PCDHA10: variants seen among roughly 807,000 people sequenced by gnomAD.
PCDHA10 encodes protocadherin alpha 10.
In PCDHA10, 45 loss-of-function variants were observed where a neutral mutation model predicts 61.2. The observed-to-expected ratio is 0.74, with a 90% CI of 0.58 to 0.94. PCDHA10 has a LOEUF of 0.94. Among genes scored for constraint, PCDHA10 ranks in the 40% least tolerant of loss-of-function variants. PCDHA10 has a pLI of 0.00. For synonymous variants in PCDHA10, 602 were observed against 548.8 expected, an observed-to-expected ratio of 1.10 and a Z score of -1.35; for missense variants, 1,278 against 1,236.2, an observed-to-expected ratio of 1.03 and a Z score of -0.51.
chr5:140,980,428 G>A (rs868912779), intron 2 of PCDHA10, among the ~76,000 whole-genome samples: 5 of 152,028 alleles, frequency 3.3e-5, no homozygotes, highest in Admixed American at 2.6e-4. Flanking sequence ...TCAAGAGATC[G>A]AGACCATCCT....
At chr5:140,948,018 T>A (rs1308826509) in intron 1 of PCDHA10, among the ~76,000 whole-genome samples, 1 of 151,290 alleles carries the variant, frequency 6.6e-6, no homozygotes, top group Non-Finnish European at 1.5e-5. Context: ...GAAGTACCCT[T>A]TCTGGTTTGC....
chr5:140,863,401 CCCACGCTGGTGT>C, intron 1 of PCDHA10: 2 of 854,408 alleles, frequency 2.3e-6, no homozygotes, highest in East Asian at 4.2e-5. Flanking sequence ...GCCGGGCAAG[CCCACGCTGGTGT>C]ACCGCAGCGT....
intron 1 of PCDHA10, among the ~76,000 whole-genome samples, chr5:140,940,750 G>A (rs1274521070): frequency 2.6e-5 from 4 of 152,136 alleles, no homozygotes; most frequent in Non-Finnish European, 5.9e-5. Context: ...TTTTATGTGT[G>A]CCAACTTTTA....
intron 1 of PCDHA10, chr5:140,968,932 A>C: frequency 6.2e-7 from 1 of 1,614,164 alleles, no homozygotes; most frequent in Non-Finnish European, 8.5e-7. Context: ...TTCTTTTGAC[A>C]ATCATCATTT....
At chr5:140,885,738 C>T (rs1160742683) in intron 1 of PCDHA10, among the ~76,000 whole-genome samples, 5 of 151,978 alleles carry the variant, frequency 3.3e-5, no homozygotes, top group African/African-American at 1.2e-4. Flanking sequence ...TGATATTTCA[C>T]TGTTACTTTA....
At chr5:140,929,721 ATTTACT>A (rs1474734727) in intron 1 of PCDHA10, 3 of 222,378 alleles carry the variant, frequency 1.3e-5, no homozygotes, top group African/African-American at 4.6e-5. Flanking sequence ...AAGGTGAAAC[ATTTACT>A]TAAACTATTG....
intron 1 of PCDHA10, chr5:140,882,442 G>A (rs1554174153): frequency 6.2e-7 from 1 of 1,613,948 alleles, no homozygotes; most frequent in African/African-American, 1.3e-5. Context: ...AGCTGGCGGA[G>A]CTGGTGCCGC....
chr5:140,870,399 T>C, intron 1 of PCDHA10: 1 of 1,614,196 alleles, frequency 6.2e-7, no homozygotes, highest in Non-Finnish European at 8.5e-7. Flanking sequence ...GGGGTTCGCC[T>C]TCTCTGTGGG....
At chr5:140,860,679 T>A (rs1465789150) in intron 1 of PCDHA10, 1 of 152,238 alleles carries the variant, frequency 6.6e-6, no homozygotes, top group Non-Finnish European at 1.5e-5. Flanking sequence ...AATGCACTTA[T>A]GTTTTGAGCG....
intron 1 of PCDHA10, among the ~76,000 whole-genome samples, chr5:140,972,812 C>T (rs782305867): frequency 5.3e-5 from 8 of 151,914 alleles, no homozygotes; most frequent in East Asian, 3.9e-4. Context: ...TACAGGCACG[C>T]GCCACCACGC....
chr5:140,933,734 T>C (rs1355766834), intron 1 of PCDHA10, among the ~76,000 whole-genome samples: 2 of 152,062 alleles, frequency 1.3e-5, no homozygotes, highest in Admixed American at 6.5e-5. Flanking sequence ...CTTTCTTAAA[T>C]ATTTGGTAGA....
intron 1 of PCDHA10, among the ~76,000 whole-genome samples, chr5:140,888,497 A>C (rs2061848830): frequency 6.6e-6 from 1 of 152,250 alleles, no homozygotes; most frequent in Non-Finnish European, 1.5e-5. Flanking sequence ...ACTCTGCTTT[A>C]AAGAGTCTTG....
chr5:140,879,578 A>G (rs1298190690), intron 1 of PCDHA10, among the ~76,000 whole-genome samples: 4 of 152,244 alleles, frequency 2.6e-5, no homozygotes, highest in African/African-American at 9.6e-5. Context: ...AATTGCCAAG[A>G]CAGACATTGA....
intron 1 of PCDHA10, among the ~76,000 whole-genome samples, chr5:140,887,345 C>A (rs1286436995): frequency 6.6e-6 from 1 of 152,140 alleles, no homozygotes; most frequent in Non-Finnish European, 1.5e-5. Context: ...ATCCACCTGG[C>A]TCGGCCTCCC....
chr5:140,957,581 C>T (rs1396438252), intron 1 of PCDHA10, among the ~76,000 whole-genome samples: 3 of 152,066 alleles, frequency 2.0e-5, no homozygotes, highest in South Asian at 2.1e-4. Flanking sequence ...GTACTTTTAA[C>T]AAAGCACTTC....
At chr5:141,004,255 G>T (rs782648685) in intron 3 of PCDHA10, among the ~76,000 whole-genome samples, 2 of 152,190 alleles carry the variant, frequency 1.3e-5, no homozygotes, top group Non-Finnish European at 2.9e-5. Flanking sequence ...TTGTTTTACT[G>T]GAATGAGTCA....
intron 1 of PCDHA10, among the ~76,000 whole-genome samples, chr5:140,913,040 G>T (rs1554195697): frequency 1.3e-5 from 2 of 152,022 alleles, no homozygotes; most frequent in African/African-American, 4.8e-5. Flanking sequence ...AGATATATTG[G>T]CCTGGAGTTT....
Position 140,858,342 on chromosome 5 carries a change from C to T in PCDHA10, c.2294C>T (p.Ala765Val), listed in dbSNP as rs528199752. 3.1e-6 allele frequency: 5 copies of T among 1,594,916 alleles called. No homozygotes were observed. The highest frequency in any genetic ancestry group is 2.2e-5 in the East Asian group (1 of 44,818). The change falls in exon 1 of 4, where the codon GCG becomes GTG. Residue 765 changes from alanine to valine, a missense_variant. Coordinates refer to ENST00000307360, the MANE Select transcript of PCDHA10 (RefSeq NM_018901.4). ...TGTTCTGGGGAGGGCCTGCCCAAGGCGGACCTCATGGCCTTCAGCCCCAGC... is the reference window on the plus strand; with the variant it reads ...TGTTCTGGGGAGGGCCTGCCCAAGGTGGACCTCATGGCCTTCAGCCCCAGC... ...RVCSGEGLPK[A>V]DLMAFSPSLP... is the part of the protein sequence containing the mutation.
chr5:140,868,951 A>C (rs2050753987), intron 1 of PCDHA10: 1 of 1,321,466 alleles, frequency 7.6e-7, no homozygotes, highest in African/African-American at 1.5e-5. Context: ...ACAGTGAGGC[A>C]CTCCCATACA....
Sources: allele counts gnomAD v4.1 joint callset (sites outside exome capture counted in the v4.1 genomes callset), GRCh38; gene constraint gnomAD v4.1.1; transcripts MANE v1.5; gene names NCBI Gene and HGNC (gene_info 2026-07-23, HGNC 2026-07-21).